Variants in NUP160 observed in about 807,000 individuals in gnomAD.
NUP160 encodes nucleoporin 160.
Under a neutral mutation model 196.9 loss-of-function variants are expected in NUP160, and 94 were observed. The observed-to-expected ratio is 0.48, with a 90% CI of 0.40 to 0.57. The LOEUF (loss-of-function observed/expected upper bound fraction) is 0.57, where lower values mean the gene tolerates loss of function less well. Ranked by LOEUF, NUP160 falls within the 20% of genes least tolerant of loss-of-function variation. The pLI, the probability that NUP160 is intolerant of heterozygous loss-of-function variation, is 0.00. For synonymous variants in NUP160, 605 were observed against 619.7 expected, an observed-to-expected ratio of 0.98 and a Z score of 0.35; for missense variants, 1,638 against 1,748.3, an observed-to-expected ratio of 0.94 and a Z score of 1.13.
chr11:47,811,622 C>G (rs971461829), intron 17 of NUP160, among the ~76,000 whole-genome samples: 3 of 152,110 alleles, frequency 2.0e-5, no homozygotes, highest in African/African-American at 4.8e-5. Context: ...AAATTTTCCA[C>G]TACTACACAT....
Position 47,821,752 on chromosome 11 carries a change from T to TTA in NUP160, c.1248_1249insTA (p.Thr417Ter). ...TCAAAGTTGATGTATTTCACTACTG[T>TTA]TTGGTTCTCAGCATCATGCCACAGG... On this transcript the variant is annotated frameshift_variant, in exon 9 of 36. Coordinates refer to ENST00000378460, the Ensembl canonical transcript of NUP160. LOFTEE classifies it high-confidence loss of function. 1 of 1,613,964 alleles carries TTA rather than the reference T, an allele frequency of 6.2e-7. No homozygotes were observed. The highest frequency in any genetic ancestry group is 8.5e-7 in the Non-Finnish European group (1 of 1,179,870).
intron 22 of NUP160, 102 bp from the exon 23 acceptor site, chr11:47,802,032 A>T: frequency 1.0e-6 from 1 of 1,001,746 alleles, no homozygotes; most frequent in Non-Finnish European, 1.5e-6. Flanking sequence ...AAGAAACAAG[A>T]TTACTTAACA....
Position 47,802,231 on chromosome 11 carries a change from G to C in NUP160, c.2776-301C>G, listed in dbSNP as rs181475767. Among the ~76,000 whole-genome samples the C allele has an allele frequency of 2.2e-3, 331 of 152,208 alleles. 2 individuals are homozygous for C. The highest frequency in any genetic ancestry group is 7.6e-3 in the African/African-American group (316 of 41,532). On this transcript the variant is annotated intron_variant, in intron 22 of 35. Coordinates refer to ENST00000378460, the Ensembl canonical transcript of NUP160. ...GTGGATCACGAGGTGAGGAGTTTGAGACCAGCCTGACCAACACGGTGAAAC... is the reference window on the plus strand; with the variant it reads ...GTGGATCACGAGGTGAGGAGTTTGACACCAGCCTGACCAACACGGTGAAAC...
At chr11:47,791,798 T>G in intron 29 of NUP160, 132 bp downstream of exon 29, 1 of 641,096 alleles carries the variant, frequency 1.6e-6, no homozygotes, top group Non-Finnish European at 2.7e-6. Flanking sequence ...CAAGGGCAAC[T>G]GTTACTACTA....
chr11:47,803,711 C>T (rs1424376667), intron 21 of NUP160, among the ~76,000 whole-genome samples, 175 bp from the exon 22 acceptor site: 1 of 152,142 alleles, frequency 6.6e-6, no homozygotes, highest in Admixed American at 6.5e-5. Context: ...TTCATCCATT[C>T]CCCCTTTCCT....
chr11:47,800,982 G>A (rs1376879899), intron 23 of NUP160, among the ~76,000 whole-genome samples: 2 of 152,134 alleles, frequency 1.3e-5, no homozygotes, highest in Non-Finnish European at 2.9e-5. Context: ...GGGCATTTCA[G>A]GCTGACAGAA....
chr11:47,811,918 C>T (rs1201719526), intron 17 of NUP160, 146 bp downstream of exon 17: 10 of 638,330 alleles, frequency 1.6e-5, no homozygotes, highest in Non-Finnish European at 1.9e-5. Context: ...ATTTATAGAG[C>T]ATCTCATAAG....
chr11:47,808,925 C>T (rs1328426313), intron 17 of NUP160, among the ~76,000 whole-genome samples: 6 of 151,878 alleles, frequency 4.0e-5, no homozygotes, highest in Non-Finnish European at 8.8e-5. Context: ...CACAGTGAAA[C>T]CCCGTCTGTA....
At chr11:47,800,864 T>C (rs2097673811) in intron 23 of NUP160, among the ~76,000 whole-genome samples, 1 of 152,116 alleles carries the variant, frequency 6.6e-6, no homozygotes, top group Admixed American at 6.6e-5. Context: ...TCTGGAAGTG[T>C]GCACAACAGG....
chr11:47,804,865 G>A (rs1024340374), intron 20 of NUP160, among the ~76,000 whole-genome samples: 1 of 152,104 alleles, frequency 6.6e-6, no homozygotes, highest in African/African-American at 2.4e-5. Flanking sequence ...CACCAGGCAC[G>A]GTGGCTCACT....
chr11:47,828,953 A>C (rs1852026182), intron 7 of NUP160, among the ~76,000 whole-genome samples: 1 of 152,212 alleles, frequency 6.6e-6, no homozygotes, highest in African/African-American at 2.4e-5. Flanking sequence ...TAAAAAAATG[A>C]ATCAAAGTCC....
intron 2 of NUP160, among the ~76,000 whole-genome samples, chr11:47,843,731 T>C (rs1852349647): frequency 6.6e-6 from 1 of 152,230 alleles, no homozygotes; most frequent in Non-Finnish European, 1.5e-5. Context: ...AATGAAGACT[T>C]AGCTGACAAT....
chr11:47,794,073 C>T (rs923311737), intron 27 of NUP160, among the ~76,000 whole-genome samples: 9 of 152,018 alleles, frequency 5.9e-5, no homozygotes, highest in Admixed American at 3.3e-4. Context: ...GCCAGGGAAT[C>T]GGGGTTGGGA....
chr11:47,828,397 A>G (rs1000711428), intron 7 of NUP160, among the ~76,000 whole-genome samples: 1 of 152,242 alleles, frequency 6.6e-6, no homozygotes, highest in Non-Finnish European at 1.5e-5. Context: ...AGCATCAAAA[A>G]GAATCAAATA....
intron 6 of NUP160, 135 bp from the exon 7 acceptor site, chr11:47,835,944 T>TA: frequency 1.4e-6 from 1 of 738,762 alleles, no homozygotes; most frequent in Non-Finnish European, 2.1e-6. Context: ...TACAGGTTTT[T>TA]GTTTCAAAAG....
In NUP160 at chr11:47,848,410, A is replaced by C. The variant is rs773807670; in HGVS notation, c.11T>G (p.Leu4Arg). 3.3e-5 allele frequency: 52 copies of C among 1,577,432 alleles called. No individual in the cohort carries two copies. In the Admixed American group the frequency reaches 6.4e-4, roughly 19 times the overall value. Residue 4 changes from leucine to arginine, a missense_variant, in exon 1 of 36, where the codon CTG becomes CGG. Transcript: ENST00000378460. ...GGGTGGGGCGGGCGGAGCTGCGGAC[A>C]GGTGAAGCATTCCGGGAGCAGAAAG...
At chr11:47,812,729 T>G (rs2097681884) in intron 15 of NUP160, among the ~76,000 whole-genome samples, 153 bp downstream of exon 15, 1 of 152,242 alleles carries the variant, frequency 6.6e-6, no homozygotes, top group South Asian at 2.1e-4. Context: ...AATTTTCTGT[T>G]AAAAGTAGAA....
chr11:47,800,091 C>A (rs1428959484), intron 23 of NUP160, among the ~76,000 whole-genome samples: 5 of 151,632 alleles, frequency 3.3e-5, no homozygotes, highest in African/African-American at 1.2e-4. Context: ...CTGTCCCTAC[C>A]AAAAATACAA....
chr11:47,782,050 G>A (rs891205019), intron 34 of NUP160, among the ~76,000 whole-genome samples: 4 of 151,954 alleles, frequency 2.6e-5, no homozygotes, highest in African/African-American at 9.7e-5. Flanking sequence ...GGAGGCCGAG[G>A]TGGGTGGATC....
Sources: gnomAD v4.1 joint callset for allele counts (sites outside exome capture counted in the v4.1 genomes callset) on GRCh38, gnomAD v4.1.1 for gene constraint, MANE v1.5 for transcripts, NCBI Gene and HGNC (gene_info 2026-07-23, HGNC 2026-07-21) for gene names.